LRP10: variants seen among roughly 807,000 people sequenced by gnomAD.
LRP10 encodes low-density lipoprotein receptor-related protein 10.
Under a neutral mutation model 58.5 loss-of-function variants are expected in LRP10, and 42 were observed. The ratio of observed to expected loss-of-function variants is 0.72; its 90% CI spans 0.56 to 0.93. LRP10 has a LOEUF of 0.93. LRP10 is among the 40% of genes least tolerant of loss of function. LRP10 has a pLI of 0.00. For missense variants in LRP10, 872 were observed against 940.1 expected (o/e 0.93, Z 0.95); for synonymous variants, 377 against 388.5 (o/e 0.97, Z 0.35).
At chr14:22,873,150 G>T in intron 2 of LRP10, 161 bp from the exon 3 acceptor site, 2 of 800,762 alleles carry the variant, frequency 2.5e-6, no homozygotes, top group Non-Finnish European at 4.0e-6. Context: ...AAAGAGCGAA[G>T]CTAGAAGGCT....
intron 2 of LRP10, 133 bp downstream of exon 2, chr14:22,872,915 A>G: frequency 3.3e-6 from 3 of 896,608 alleles, no homozygotes; most frequent in Non-Finnish European, 5.2e-6. Context: ...TTATTTATAG[A>G]TAAGGAAGCT....
rs568997905 is a variant in LRP10, at chr14:22,874,974, A to G, written c.216-81A>G. The G allele has an allele frequency of 7.8e-6, 8 of 1,023,630 alleles. No homozygotes were observed. In the South Asian group the frequency reaches 1.5e-4, roughly 19 times the overall value. 63.4% of individuals were successfully genotyped at this position (1,023,630 alleles called of 1,614,324 possible). A position where few individuals can be genotyped will look rare whatever the true frequency, so the allele number is the denominator to read the frequency against. On this transcript the variant is annotated intron_variant, in intron 3 of 6. Coordinates refer to ENST00000359591, the MANE Select transcript of LRP10 (RefSeq NM_014045.5). ...AGATGTTTATGCTTCCTGGGACACA[A>G]GGGGCCTGGTGGCACCAGGGGAGGA...
Position 22,876,058 on chromosome 14 carries a change from TGCCACAGCCTGCTACC to T in LRP10, c.1111_1126del (p.Ala371CysfsTer75), listed in dbSNP as rs1370147636. ...CCTGTGGGGCTGCTGGCACCTCTGGTGCCACAGCCTGCTACCTGCCTGCTGACCGCTGCAACTACCA... is the reference window on the plus strand; with the variant it reads ...CCTGTGGGGCTGCTGGCACCTCTGGTTGCCTGCTGACCGCTGCAACTACCA... On this transcript the variant is annotated frameshift_variant, in exon 5 of 7. Transcript: ENST00000359591. LOFTEE classifies it high-confidence loss of function. 2.5e-6 allele frequency: 4 copies of T among 1,613,230 alleles called. No individual in the cohort carries two copies. Among genetic ancestry groups the T allele is most frequent in the Non-Finnish European group, 3.4e-6 (4 of 1,179,800 alleles).
chr14:22,876,782 A>G lies in LRP10; in HGVS notation c.1518A>G (p.Pro506=), dbSNP rs2040011232. Residue 506 remains proline (P), a synonymous_variant, in exon 6 of 7, where the codon CCA becomes CCG. Transcript: ENST00000359591. ...YGQLIAQGAI[P]PVEDFPTENP... is the part of the protein sequence containing the mutation. ...AGCTCATTGCCCAGGGTGCCATCCC[A>G]CCTGTAGAAGACTTTCCTACAGAGA... The G allele has an allele frequency of 1.9e-6, 3 of 1,613,522 alleles. No homozygotes were observed. The highest frequency in any genetic ancestry group is 2.2e-5 in the South Asian group (2 of 91,064).
Position 22,878,634 on chromosome 14 carries a change from C to T in LRP10, c.*1107C>T, listed in dbSNP as rs931922152. 6.5e-6 allele frequency: 1 copy of T among 155,000 alleles called. No homozygotes were observed. The highest frequency in any genetic ancestry group is 1.4e-5 in the Non-Finnish European group (1 of 69,662). 9.6% of individuals were successfully genotyped at this position (155,000 alleles called of 1,614,324 possible). The stretch of plus-strand genomic sequence containing the variant: ...GGTGCTGGCATCACCATGGCCAAAT[C>T]CAAGAGGTCTTCCTGGAAGAGGGCC... On this transcript the variant is annotated 3_prime_UTR_variant, in exon 7 of 7. Transcript: ENST00000359591.
rs2040046920 is a variant in LRP10 at position 22,880,096 on chromosome 14, G to A, written c.*2569G>A. ...TAAGATAAAAGAAGATACCAGGGCT[G>A]GGCCACGGTGGCTTTCGCCTGTAAT... On this transcript the variant is annotated 3_prime_UTR_variant, in exon 7 of 7. Transcript: ENST00000359591. The A allele has an allele frequency of 6.6e-6, 1 of 152,180 alleles. No individual in the cohort carries two copies. The allele number at this position is 152,180 out of a possible 1,614,324, so 9.4% of individuals were successfully genotyped here.
In LRP10 at chr14:22,876,014, T is replaced by G; in HGVS notation, c.1066T>G (p.Cys356Gly). The G allele has an allele frequency of 1.2e-6, 2 of 1,613,388 alleles. No homozygotes were observed. Among genetic ancestry groups the G allele is most frequent in the Non-Finnish European group, 1.7e-6 (2 of 1,179,998 alleles). The change falls in exon 5 of 7, where the codon TGC becomes GGC. Residue 356 changes from cysteine to glycine, a missense_variant. Transcript: ENST00000359591. ...CACAGATGAGGAGGACTGCCCAGGC[T>G]GCCCACCTGGACACTTCCCCTGTGG... ...DGTDEEDCPGCPPGHFPCGAA... is the reference protein window; with the variant it reads ...DGTDEEDCPGGPPGHFPCGAA...
At chr14:22,872,873 A>G (rs2039970850) in intron 2 of LRP10, 91 bp downstream of exon 2, 7 of 1,378,108 alleles carry the variant, frequency 5.1e-6, no homozygotes, top group Non-Finnish European at 7.2e-6. Flanking sequence ...CATGGGACCT[A>G]CCAAAGTTTT....
Position 22,873,394 on chromosome 14 carries a change from G to A in LRP10, c.163G>A (p.Ala55Thr). The A allele has an allele frequency of 6.2e-7, 1 of 1,614,150 alleles. No individual in the cohort carries two copies. The highest frequency in any genetic ancestry group is 1.7e-5 in the Admixed American group (1 of 60,018). Residue 55 changes from alanine to threonine, a missense_variant, in exon 3 of 7, where the codon GCC becomes ACC. Ala to Thr is a moderately conservative substitution (Grantham distance 58, BLOSUM62 0). Coordinates refer to ENST00000359591, the MANE Select transcript of LRP10 (RefSeq NM_014045.5). ...PLVRDSRTSP[A>T]NCTWLILGSK... Reference sequence around the variant, plus strand: ...GGTCCGGGACAGCCGCACCTCCCCTGCCAACTGCACCTGGCTCATCCTGGG... The same window carrying A: ...GGTCCGGGACAGCCGCACCTCCCCTACCAACTGCACCTGGCTCATCCTGGG...
rs2040061479 is a variant in LRP10, at chr14:22,881,476, C to T, written c.*3949C>T. On this transcript the variant is annotated 3_prime_UTR_variant, in exon 7 of 7. Coordinates refer to ENST00000359591, the MANE Select transcript of LRP10 (RefSeq NM_014045.5). ...ACAGAAACCAATGGCTTTTCTCCAG[C>T]AGTGTCTTCTGAAGTTGTAACAGTA... 1 of 152,240 alleles carries T rather than the reference C, an allele frequency of 6.6e-6. No homozygotes were observed. The highest frequency in any genetic ancestry group is 1.5e-5 in the Non-Finnish European group (1 of 68,048). 9.4% of individuals were successfully genotyped at this position (152,240 alleles called of 1,614,324 possible). A position where few individuals can be genotyped will look rare whatever the true frequency, so the allele number is the denominator to read the frequency against.
Position 22,876,260 on chromosome 14 carries a change from C to T in LRP10, c.1312C>T (p.Pro438Ser), listed in dbSNP as rs1566493646. ...SDEWDCSYVL[P>S]RKVITAAVIG... ...TGAGTGGGACTGCTCCTATGTTCTGCCCCGCAAGGTCATTACAGCTGCAGT... is the reference window on the plus strand; with the variant it reads ...TGAGTGGGACTGCTCCTATGTTCTGTCCCGCAAGGTCATTACAGCTGCAGT... Residue 438 changes from proline (P) to serine (S), a missense_variant, in exon 5 of 7, where the codon CCC becomes TCC. Coordinates refer to ENST00000359591, the MANE Select transcript of LRP10 (RefSeq NM_014045.5). The T allele has an allele frequency of 3.7e-6, 6 of 1,614,172 alleles. No homozygotes were observed. Among genetic ancestry groups the T allele is most frequent in the Non-Finnish European group, 5.1e-6 (6 of 1,180,028 alleles).
chr14:22,873,639 C>A (rs983990510), intron 3 of LRP10, among the ~76,000 whole-genome samples, 193 bp downstream of exon 3: 4 of 151,830 alleles, frequency 2.6e-5, no homozygotes, highest in African/African-American at 9.7e-5. Context: ...ATTCTCCTGT[C>A]TTGGCCTCCC....
At chr14:22,873,180 G>T in intron 2 of LRP10, 131 bp from the exon 3 acceptor site, 1 of 1,075,976 alleles carries the variant, frequency 9.3e-7, no homozygotes, top group Non-Finnish European at 1.4e-6. Context: ...GGCTGTGTGT[G>T]GGCAGGGGCA....
In LRP10 at chr14:22,875,101, C is replaced by A; in HGVS notation, c.262C>A (p.Arg88Ser). Residue 88 changes from arginine (R) to serine (S), a missense_variant, in exon 4 of 7, where the codon CGC becomes AGC. Arg to Ser is a moderately radical substitution (Grantham distance 110). Transcript: ENST00000359591. ...LACGSERLTL[R>S]SPLQPLISLC... Reference sequence around the variant, plus strand: ...CTGTGGCTCAGAGCGCTTAACCCTACGCTCCCCTCTCCAGCCACTGATCTC... The same window carrying A: ...CTGTGGCTCAGAGCGCTTAACCCTAAGCTCCCCTCTCCAGCCACTGATCTC... 6.2e-7 allele frequency: 1 copy of A among 1,610,706 alleles called. No homozygotes were observed. The highest frequency in any genetic ancestry group is 8.5e-7 in the Non-Finnish European group (1 of 1,178,326).
chr14:22,876,152 G>A lies in LRP10; in HGVS notation c.1204G>A (p.Gly402Ser). ...GAGACGCTGTCGGCATTGCCAGCCTGGCAATTTCCGATGCCGGGACGAGAA... is the reference window on the plus strand; with the variant it reads ...GAGACGCTGTCGGCATTGCCAGCCTAGCAATTTCCGATGCCGGGACGAGAA... ...DERRCRHCQP[G>S]NFRCRDEKCV... The change falls in exon 5 of 7, where the codon GGC (glycine) becomes AGC (serine). Residue 402 changes from glycine (G) to serine (S), a missense_variant. Gly to Ser is a moderately conservative substitution (Grantham distance 56). Coordinates refer to ENST00000359591, the MANE Select transcript of LRP10 (RefSeq NM_014045.5). 3 of 1,614,222 alleles carry A rather than the reference G, an allele frequency of 1.9e-6. No homozygotes were observed. The highest frequency in any genetic ancestry group is 2.5e-6 in the Non-Finnish European group (3 of 1,180,046).
Position 22,872,333 on chromosome 14 carries a change from C to T in LRP10, c.30C>T (p.Leu10=). The T allele has an allele frequency of 6.2e-7, 1 of 1,613,982 alleles. No homozygotes were observed. The change falls in exon 1 of 7, where the codon CTC becomes CTT. Residue 10 remains leucine (L), a synonymous_variant. Transcript: ENST00000359591. ...TGTTGGCCACCCTCCTCCTCCTCCT[C>T]CTTGGTAAGAACCGAAACGATACCA... is the stretch of plus-strand genomic sequence containing the variant. MLLATLLLL[L]LGGALAHPDR...
Position 22,875,650 on chromosome 14 carries a change from G to A in LRP10, c.702G>A (p.Val234=). ...LDPHDGRRLA[V]RFTALDLGFG... is the part of the protein sequence containing the mutation. ...CCCATGATGGCCGGCGGCTGGCCGT[G>A]CGCTTCACAGCCCTGGACTTGGGCT... The change falls in exon 5 of 7, where the codon GTG becomes GTA. Residue 234 remains valine (V), a synonymous_variant. Transcript: ENST00000359591. 1 of 1,614,154 alleles carries A rather than the reference G, an allele frequency of 6.2e-7. No homozygotes were observed. Among genetic ancestry groups the A allele is most frequent in the Non-Finnish European group, 8.5e-7 (1 of 1,180,054 alleles).
At chr14:22,873,198 T>G in intron 2 of LRP10, 113 bp from the exon 3 acceptor site, 1 of 1,328,586 alleles carries the variant, frequency 7.5e-7, no homozygotes, top group Non-Finnish European at 1.0e-6. Flanking sequence ...GCAGATACTC[T>G]GCTCCTCCTT....
chr14:22,873,392 C>T lies in LRP10; in HGVS notation c.161C>T (p.Pro54Leu). Residue 54 changes from proline (P) to leucine (L), a missense_variant, in exon 3 of 7, where the codon CCT (proline) becomes CTT (leucine). Coordinates refer to ENST00000359591, the MANE Select transcript of LRP10 (RefSeq NM_014045.5). ...CTGGTCCGGGACAGCCGCACCTCCC[C>T]TGCCAACTGCACCTGGCTCATCCTG... ...RPLVRDSRTSPANCTWLILGS... is the reference protein window; with the variant it reads ...RPLVRDSRTSLANCTWLILGS... 1 of 1,614,164 alleles carries T rather than the reference C, an allele frequency of 6.2e-7. No homozygotes were observed. The highest frequency in any genetic ancestry group is 8.5e-7 in the Non-Finnish European group (1 of 1,180,020).
Sources: allele counts gnomAD v4.1 joint callset (sites outside exome capture counted in the v4.1 genomes callset), GRCh38; gene constraint gnomAD v4.1.1; transcripts MANE v1.5; gene names NCBI Gene and HGNC (gene_info 2026-07-23, HGNC 2026-07-21).